The following USP15 variants were observed in gnomAD, a reference collection of about 807,000 sequenced individuals.
The protein encoded by USP15 is ubiquitin carboxyl-terminal hydrolase 15.
Under a neutral mutation model 127.1 loss-of-function variants are expected in USP15, and 18 were observed. That is an observed-to-expected ratio of 0.14 (90% CI 0.10 to 0.21). The LOEUF is 0.21. Among genes scored for constraint, USP15 ranks in the 10% least tolerant of loss-of-function variants. USP15 has a pLI of 1.00. For missense variants in USP15, 805 were observed against 1,159.9 expected (o/e 0.69, Z 4.44); for synonymous variants, 364 against 393.7 (o/e 0.92, Z 0.89).
chr12:62,351,433 T>A lies in USP15; in HGVS notation c.770+2126T>A, dbSNP rs150166268. On this transcript the variant is annotated intron_variant, in intron 7 of 21. Transcript: ENST00000280377. Reference sequence around the variant, plus strand: ...CATTGCAGATGGCTCTCATACTTACTGTAAGAGAATTCATTTACAGGTATT... The same window carrying A: ...CATTGCAGATGGCTCTCATACTTACAGTAAGAGAATTCATTTACAGGTATT... Among the ~76,000 whole-genome samples, 509 of 151,560 alleles carry A rather than the reference T, an allele frequency of 3.4e-3. 5 individuals carry two copies. The highest frequency in any genetic ancestry group is 0.012 in the African/African-American group (496 of 41,318).
intron 8 of USP15, among the ~76,000 whole-genome samples, chr12:62,355,701 A>G (rs1035816106): frequency 1.8e-4 from 27 of 151,840 alleles, no homozygotes; most frequent in African/African-American, 5.3e-4. Flanking sequence ...ACAAGATTAT[A>G]TATCACTTTG....
At chr12:62,363,497 C>A (rs1355414435) in intron 8 of USP15, among the ~76,000 whole-genome samples, 1 of 152,122 alleles carries the variant, frequency 6.6e-6, no homozygotes, top group Non-Finnish European at 1.5e-5. Context: ...TATATTCTTG[C>A]ACTCTCACTT....
chr12:62,360,029 C>A (rs995341632), intron 8 of USP15, among the ~76,000 whole-genome samples: 1 of 152,098 alleles, frequency 6.6e-6, no homozygotes, highest in Non-Finnish European at 1.5e-5. Flanking sequence ...TCAGTAGATT[C>A]AAGAGCACTT....
chr12:62,346,469 A>T (rs2065821716), intron 6 of USP15, among the ~76,000 whole-genome samples: 1 of 152,066 alleles, frequency 6.6e-6, no homozygotes, highest in African/African-American at 2.4e-5. Context: ...AATAGTTTTG[A>T]CCTCACCAAT....
chr12:62,269,274 A>G (rs2063281459), intron 1 of USP15, among the ~76,000 whole-genome samples: 1 of 152,126 alleles, frequency 6.6e-6, no homozygotes, highest in Admixed American at 6.6e-5. Context: ...AAACCTGTAC[A>G]ACATGTTACT....
chr12:62,321,004 A>G (rs1207875636), intron 4 of USP15, among the ~76,000 whole-genome samples: 1 of 152,068 alleles, frequency 6.6e-6, no homozygotes, highest in Non-Finnish European at 1.5e-5. Flanking sequence ...TATTGTGTCC[A>G]TATATTCTAG....
intron 1 of USP15, among the ~76,000 whole-genome samples, chr12:62,288,344 C>CTTTTTTTTT (rs34110065): frequency 7.9e-5 from 9 of 114,446 alleles, no homozygotes; most frequent in Middle Eastern, 6.3e-3. Flanking sequence ...TGGCATTTTA[C>CTTTTTTTTT]TTTTTTTTTT....
chr12:62,270,134 G>C (rs2063314382), intron 1 of USP15, among the ~76,000 whole-genome samples: 1 of 151,964 alleles, frequency 6.6e-6, no homozygotes. Context: ...TAATGATGTT[G>C]AGTATCTTTT....
At chr12:62,338,467 G>A (rs1314793007) in intron 6 of USP15, among the ~76,000 whole-genome samples, 1 of 152,076 alleles carries the variant, frequency 6.6e-6, no homozygotes, top group Non-Finnish European at 1.5e-5. Context: ...CTGTGTAGAA[G>A]CTCTTTAGTT....
At chr12:62,304,497 G>T (rs936320302) in intron 3 of USP15, among the ~76,000 whole-genome samples, 2 of 152,098 alleles carry the variant, frequency 1.3e-5, no homozygotes, top group East Asian at 3.9e-4. Context: ...ACTGATGCAG[G>T]TGGAACTCAA....
At chr12:62,288,577 C>T (rs2063853276) in intron 1 of USP15, among the ~76,000 whole-genome samples, 1 of 152,030 alleles carries the variant, frequency 6.6e-6, no homozygotes, top group African/African-American at 2.4e-5. Context: ...TCTTTTCCAA[C>T]TTGGATGACT....
intron 8 of USP15, among the ~76,000 whole-genome samples, chr12:62,367,030 G>T (rs922231066): frequency 1.2e-4 from 18 of 152,040 alleles, no homozygotes; most frequent in Admixed American, 1.2e-3. Flanking sequence ...TTGTGTCTCT[G>T]CCAGGTTTTG....
chr12:62,352,238 A>G (rs2065986403), intron 7 of USP15, among the ~76,000 whole-genome samples: 1 of 151,856 alleles, frequency 6.6e-6, no homozygotes, highest in African/African-American at 2.4e-5. Flanking sequence ...GTAATAAAGT[A>G]TACTTGGAAT....
At chr12:62,342,596 G>T (rs1254643473) in intron 6 of USP15, among the ~76,000 whole-genome samples, 5 of 151,978 alleles carry the variant, frequency 3.3e-5, no homozygotes, top group Admixed American at 2.6e-4. Flanking sequence ...TTTTATTGGG[G>T]GGTCTTTTTG....
intron 1 of USP15, among the ~76,000 whole-genome samples, chr12:62,280,004 A>G (rs1025650795): frequency 6.6e-6 from 1 of 152,160 alleles, no homozygotes; most frequent in African/African-American, 2.4e-5. Flanking sequence ...AACCTTGGGC[A>G]AGTTAATTTC....
chr12:62,295,398 C>T (rs899461240), intron 2 of USP15, among the ~76,000 whole-genome samples: 3 of 152,052 alleles, frequency 2.0e-5, no homozygotes, highest in South Asian at 2.1e-4. Context: ...CAAACTATTT[C>T]GAAGAAACTT....
At chr12:62,398,203 G>T (rs1031910421) in intron 20 of USP15, among the ~76,000 whole-genome samples, 2 of 151,884 alleles carry the variant, frequency 1.3e-5, no homozygotes, top group African/African-American at 4.8e-5. Context: ...ATGGTGCCCA[G>T]GCTGGTCTTG....
At chr12:62,391,791 A>C in intron 16 of USP15, 25 bp from the exon 17 acceptor site, 1 of 1,555,432 alleles carries the variant, frequency 6.4e-7, no homozygotes, top group Non-Finnish European at 8.7e-7. Flanking sequence ...TAAATTTTAA[A>C]GAAAAAATAT....
intron 1 of USP15, among the ~76,000 whole-genome samples, chr12:62,278,075 A>G (rs371272330): frequency 1.6e-4 from 24 of 152,066 alleles, no homozygotes; most frequent in African/African-American, 5.6e-4. Flanking sequence ...GCTTTTTTCT[A>G]TTTCTAAATT....
Sources: allele counts gnomAD v4.1 joint callset (sites outside exome capture counted in the v4.1 genomes callset), GRCh38; gene constraint gnomAD v4.1.1; transcripts MANE v1.5; gene names NCBI Gene and HGNC (gene_info 2026-07-23, HGNC 2026-07-21).